NRDC: variants seen among roughly 807,000 people sequenced by gnomAD.
NRDC encodes the protein nardilysin.
NRDC carries 54 observed loss-of-function variants against 147.1 expected under a neutral mutation model. That is an observed-to-expected ratio of 0.37 (90% CI 0.29 to 0.46). NRDC has a LOEUF of 0.46. NRDC is among the 20% of genes least tolerant of loss of function. The probability of loss-of-function intolerance (pLI) is 1.00; values close to 1 mark genes in which losing one functional copy is unlikely to be tolerated. For synonymous variants in NRDC, 440 were observed against 482.1 expected (o/e 0.91, Z 1.14); for missense variants, 1,082 against 1,370.6 (o/e 0.79, Z 3.33).
chr1:51,803,635 C>G (rs915361877), intron 20 of NRDC, among the ~76,000 whole-genome samples, 179 bp downstream of exon 20: 5 of 152,154 alleles, frequency 3.3e-5, no homozygotes, highest in African/African-American at 1.2e-4. Context: ...ATTAATGAAA[C>G]ATATGTTGTT....
chr1:51,812,818 C>T (rs1035740426), intron 14 of NRDC, among the ~76,000 whole-genome samples: 1 of 151,922 alleles, frequency 6.6e-6, no homozygotes, highest in African/African-American at 2.4e-5. Flanking sequence ...TGTGTTGGGC[C>T]GGGCACAGTG....
intron 1 of NRDC, 59 bp downstream of exon 1, chr1:51,878,216 G>A: frequency 1.3e-6 from 2 of 1,525,764 alleles, no homozygotes; most frequent in Middle Eastern, 1.9e-4. Context: ...AAGTGACGGC[G>A]GCACCGACAG....
intron 4 of NRDC, among the ~76,000 whole-genome samples, chr1:51,833,391 A>T (rs572402724): frequency 7.9e-5 from 12 of 151,784 alleles, no homozygotes; most frequent in Non-Finnish European, 1.5e-4. Context: ...TTGATGGCCA[A>T]TTGCACCACA....
At chr1:51,793,563 G>GT (rs1278491944) in intron 24 of NRDC, among the ~76,000 whole-genome samples, 1 of 152,206 alleles carries the variant, frequency 6.6e-6, no homozygotes, top group Non-Finnish European at 1.5e-5. Context: ...AGAGATGACC[G>GT]TGACATCGGG....
intron 13 of NRDC, 100 bp from the exon 14 acceptor site, chr1:51,814,189 G>T: frequency 1.4e-6 from 1 of 738,816 alleles, no homozygotes. Context: ...GGTAACTATT[G>T]GGTAGTAGGC....
chr1:51,875,861 T>C (rs1480026331), intron 1 of NRDC, among the ~76,000 whole-genome samples: 1 of 152,110 alleles, frequency 6.6e-6, no homozygotes, highest in African/African-American at 2.4e-5. Flanking sequence ...CTCTAATTTT[T>C]TTTTTTATGT....
Position 51,792,393 on chromosome 1 carries a change from AG to A in NRDC, c.2806del (p.Met937TrpfsTer5). The A allele has an allele frequency of 1.2e-6, 2 of 1,614,138 alleles. No homozygotes were observed. Among genetic ancestry groups the A allele is most frequent in the Non-Finnish European group, 1.7e-6 (2 of 1,179,982 alleles). On this transcript the variant is annotated frameshift_variant, in exon 25 of 31. Coordinates refer to ENST00000352171, the MANE Select transcript of NRDC (RefSeq NM_001101662.2). LOFTEE classifies it high-confidence loss of function. ...TGCACTTACCACAAGCAGCTCCATA[AG>A]CGTATATTCTCTTAGACTCCTGGTA... ...SGTRSLREYT[L>X]MELLVMHMEE...
chr1:51,850,284 T>A (rs1382867142), intron 1 of NRDC, among the ~76,000 whole-genome samples: 1 of 150,512 alleles, frequency 6.6e-6, no homozygotes, highest in Admixed American at 6.6e-5. Context: ...AAGCCAAGAG[T>A]TTCTAAAAAC....
chr1:51,836,579 G>T, intron 2 of NRDC: 1 of 677,146 alleles, frequency 1.5e-6, no homozygotes, highest in Non-Finnish European at 2.6e-6. Flanking sequence ...ATCTGCGGAA[G>T]TAACATATCT....
intron 1 of NRDC, among the ~76,000 whole-genome samples, chr1:51,861,330 C>CT (rs34875207): frequency 0.12 from 11,661 of 98,232 alleles, 1,480 homozygotes; most frequent in African/African-American, 0.27. Flanking sequence ...ATCTCTTCTT[C>CT]TTCTTTTTTT....
chr1:51,805,407 C>T (rs1679416041), intron 19 of NRDC, 103 bp downstream of exon 19: 1 of 874,166 alleles, frequency 1.1e-6, no homozygotes, highest in Non-Finnish European at 1.7e-6. Flanking sequence ...AGCAACATAG[C>T]TCAAATATGG....
At chr1:51,878,125 T>C in intron 1 of NRDC, 150 bp downstream of exon 1, 1 of 1,423,182 alleles carries the variant, frequency 7.0e-7, no homozygotes, top group Non-Finnish European at 9.2e-7. Context: ...AAGCCTCTAA[T>C]CACGCTTGCC....
chr1:51,795,088 C>T, intron 22 of NRDC: 1 of 1,456,394 alleles, frequency 6.9e-7, no homozygotes, highest in Non-Finnish European at 9.1e-7. Context: ...TCTGTTTACC[C>T]ATAATACAGT....
At chr1:51,793,805 G>C (rs1467570228) in intron 24 of NRDC, 3 of 152,268 alleles carry the variant, frequency 2.0e-5, no homozygotes, top group African/African-American at 7.2e-5. Flanking sequence ...GACTAGACAG[G>C]CAAGGTTTAA....
intron 21 of NRDC, chr1:51,799,037 A>G (rs1274570449): frequency 1.3e-5 from 2 of 152,238 alleles, no homozygotes; most frequent in South Asian, 2.1e-4. Flanking sequence ...AATCTTCAAC[A>G]AACAGGTTTA....
At chr1:51,824,229 G>A (rs906759327) in intron 6 of NRDC, among the ~76,000 whole-genome samples, 4 of 150,698 alleles carry the variant, frequency 2.7e-5, no homozygotes, top group Admixed American at 1.3e-4. Flanking sequence ...GGGTTCAAGC[G>A]ATTCTCCTGC....
chr1:51,824,413 C>T (rs1471686676), intron 6 of NRDC, among the ~76,000 whole-genome samples: 2 of 152,040 alleles, frequency 1.3e-5, no homozygotes, highest in Admixed American at 1.3e-4. Flanking sequence ...CGTGAGCCAC[C>T]GCGCCCGGCT....
chr1:51,810,233 G>C (rs1231294298), intron 16 of NRDC, 48 bp downstream of exon 16: 3 of 1,373,792 alleles, frequency 2.2e-6, no homozygotes, highest in Non-Finnish European at 3.0e-6. Context: ...AACATTTCCA[G>C]GTAAGTTAAA....
intron 29 of NRDC, 140 bp from the exon 30 acceptor site, chr1:51,789,797 C>A: frequency 1.6e-6 from 1 of 630,484 alleles, no homozygotes; most frequent in East Asian, 2.7e-5. Context: ...TACCCCTAAC[C>A]TTCCAGACCA....
Sources: gnomAD v4.1 joint callset for allele counts (sites outside exome capture counted in the v4.1 genomes callset) on GRCh38, gnomAD v4.1.1 for gene constraint, MANE v1.5 for transcripts, NCBI Gene and HGNC (gene_info 2026-07-23, HGNC 2026-07-21) for gene names.